PCLO: variants seen among roughly 807,000 people sequenced by gnomAD.
PCLO encodes protein piccolo.
PCLO carries 82 observed loss-of-function variants against 427.5 expected under a neutral mutation model. The ratio of observed to expected loss-of-function variants is 0.19; its 90% CI spans 0.16 to 0.23. PCLO has a LOEUF of 0.23. Among genes scored for constraint, PCLO ranks in the 10% least tolerant of loss-of-function variants. The probability of loss-of-function intolerance (pLI) is 1.00; values close to 1 mark genes in which losing one functional copy is unlikely to be tolerated. For synonymous variants in PCLO, 2,357 were observed against 2,155.4 expected (o/e 1.09, Z -2.59); for missense variants, 6,239 against 6,115.9 (o/e 1.02, Z -0.67).
intron 14 of PCLO, among the ~76,000 whole-genome samples, chr7:82,838,909 T>C (rs542624581): frequency 7.2e-5 from 11 of 152,114 alleles, no homozygotes; most frequent in African/African-American, 2.6e-4. Context: ...GCTTTCCTAA[T>C]AGAGTGAGAT....
At chr7:82,766,554 A>C (rs1429083362) in intron 22 of PCLO, among the ~76,000 whole-genome samples, 1 of 152,088 alleles carries the variant, frequency 6.6e-6, no homozygotes, top group African/African-American at 2.4e-5. Flanking sequence ...GGAGGGAGTC[A>C]AGGAAAATTC....
chr7:82,950,812 T>C lies in PCLO; in HGVS notation c.9776A>G (p.Glu3259Gly). The C allele has an allele frequency of 6.2e-7, 1 of 1,613,696 alleles. No individual in the cohort carries two copies. The highest frequency in any genetic ancestry group is 8.5e-7 in the Non-Finnish European group (1 of 1,179,836). Residue 3259 changes from glutamate to glycine, a missense_variant, in exon 6 of 25, where the codon GAG becomes GGG. This residue lies in a region of PCLO where 4,677 missense variants were observed against 4,468.4 expected (regional missense o/e 1.05). Transcript: ENST00000333891. ...AAGGTGTTGCTTCATAGACTGCAGC[T>C]CCTCCAACTTTTTCTGAACCATGAT... Reference protein sequence around the residue: ...EKIMVQKKLEELQSMKQHLLF... With the variant: ...EKIMVQKKLEGLQSMKQHLLF...
In PCLO at chr7:82,827,357, T is replaced by C. The variant is rs141018349; in HGVS notation, c.14343+516A>G. ...TACAGTTACTTATCTCTGGTGATAA[T>C]CCTTTATACTAGTCATCATTTTGCC... On this transcript the variant is annotated intron_variant, in intron 17 of 24. Transcript: ENST00000333891. 9.9e-3 allele frequency among the ~76,000 whole-genome samples: 1,499 copies of C among 152,132 alleles called. 17 individuals are homozygous for C. Among genetic ancestry groups the C allele is most frequent in the African/African-American group, 0.034 (1,401 of 41,530 alleles).
At chr7:82,820,498 C>T (rs1382783210) in intron 20 of PCLO, 1 of 1,209,432 alleles carries the variant, frequency 8.3e-7, no homozygotes. Context: ...AATAAAGATA[C>T]TTTATTTATT....
intron 2 of PCLO, among the ~76,000 whole-genome samples, chr7:83,154,524 T>G (rs1475660942): frequency 6.6e-6 from 1 of 152,184 alleles, no homozygotes; most frequent in Admixed American, 6.5e-5. Flanking sequence ...CAATTTATAT[T>G]TGTCTTATAT....
chr7:83,069,329 GA>G (rs934050403), intron 3 of PCLO, among the ~76,000 whole-genome samples: 1 of 151,968 alleles, frequency 6.6e-6, no homozygotes, highest in Non-Finnish European at 1.5e-5. Flanking sequence ...TCATTTGGTT[GA>G]AAAAAATCCA....
rs1237619342 is a variant in PCLO, at chr7:82,756,458, G to T, written c.*2117C>A. 2 of 151,946 alleles carry T rather than the reference G, an allele frequency of 1.3e-5. No individual in the cohort carries two copies. The highest frequency in any genetic ancestry group is 4.8e-5 in the African/African-American group (2 of 41,372). The allele number at this position is 151,946 out of a possible 1,614,324, so 9.4% of individuals were successfully genotyped here. On this transcript the variant is annotated 3_prime_UTR_variant, in exon 25 of 25. Transcript: ENST00000333891. ...TAAATGACATTGTATTGTCAGTGGA[G>T]GGGGATTAAAAAATAGAGGGAAGAA... is the stretch of plus-strand genomic sequence containing the variant.
intron 3 of PCLO, among the ~76,000 whole-genome samples, chr7:83,087,998 A>C (rs996382543): frequency 3.3e-5 from 5 of 152,204 alleles, no homozygotes; most frequent in Non-Finnish European, 5.9e-5. Context: ...GCTAAAATAT[A>C]ATCGATAAAA....
chr7:82,793,273 CT>C (rs2129468455), intron 22 of PCLO, among the ~76,000 whole-genome samples: 1 of 152,246 alleles, frequency 6.6e-6, no homozygotes, highest in African/African-American at 2.4e-5. Context: ...CTATCCCTGG[CT>C]TTGACCTTCC....
chr7:83,033,045 C>T lies in PCLO; in HGVS notation c.3301-66558G>A, dbSNP rs146989981. ...TTGTTTGATAAGTGTTTGGCATTTT[C>T]GCCTACTCACCCTCTCTCTCTCCTA... On this transcript the variant is annotated intron_variant, in intron 3 of 24. Coordinates refer to ENST00000333891, the MANE Select transcript of PCLO (RefSeq NM_033026.6). 8.5e-3 allele frequency among the ~76,000 whole-genome samples: 1,286 copies of T among 152,156 alleles called. 12 individuals carry two copies. Among genetic ancestry groups the T allele is most frequent in the Non-Finnish European group, 0.014 (928 of 67,992 alleles).
At chr7:82,775,082 T>G (rs538422918) in intron 22 of PCLO, among the ~76,000 whole-genome samples, 4 of 152,322 alleles carry the variant, frequency 2.6e-5, no homozygotes, top group Admixed American at 2.6e-4. Context: ...TTTTCAGTAT[T>G]GAACAATATT....
chr7:82,760,943 C>CTTTTTTTTTTTTT (rs767222339), intron 23 of PCLO, among the ~76,000 whole-genome samples, 159 bp from the exon 24 acceptor site: 4 of 60,370 alleles, frequency 6.6e-5, no homozygotes, highest in Admixed American at 2.5e-4. Context: ...AAAGATATGT[C>CTTTTTTTTTTTTT]TTTTTTTTTT....
intron 10 of PCLO, among the ~76,000 whole-genome samples, chr7:82,867,545 A>G (rs763466236): frequency 2.6e-5 from 4 of 152,168 alleles, no homozygotes; most frequent in Non-Finnish European, 5.9e-5. Flanking sequence ...AGAGGTTAGC[A>G]TCCTTGCTTC....
chr7:83,076,406 G>A (rs1789953074), intron 3 of PCLO, among the ~76,000 whole-genome samples: 2 of 151,810 alleles, frequency 1.3e-5, no homozygotes, highest in African/African-American at 2.4e-5. Context: ...GGGATTACAG[G>A]TGCCTGCCAC....
Position 82,954,391 on chromosome 7 carries a change from C to T in PCLO, c.6562G>A (p.Val2188Ile), listed in dbSNP as rs775601863. 6.2e-7 allele frequency: 1 copy of T among 1,613,860 alleles called. No homozygotes were observed. Reference sequence around the variant, plus strand: ...CTATCTGTGGTACAGACCGAAGAAACAGATGATGTGAGAGAAGGTGTGTCA... The same window carrying T: ...CTATCTGTGGTACAGACCGAAGAAATAGATGATGTGAGAGAAGGTGTGTCA... ...PSDTPSLTSS[V>I]SSVCTTDSSS... The change falls in exon 5 of 25, where the codon GTT becomes ATT. Residue 2188 changes from valine to isoleucine, a missense_variant. Val to Ile is a conservative substitution (Grantham distance 29, BLOSUM62 3). This residue lies in a region of PCLO where 4,677 missense variants were observed against 4,468.4 expected (regional missense o/e 1.05). Coordinates refer to ENST00000333891, the MANE Select transcript of PCLO (RefSeq NM_033026.6).
chr7:82,950,774 C>T lies in PCLO; in HGVS notation c.9814G>A (p.Glu3272Lys). 6.2e-7 allele frequency: 1 copy of T among 1,613,802 alleles called. No homozygotes were observed. Among genetic ancestry groups the T allele is most frequent in the Non-Finnish European group, 8.5e-7 (1 of 1,179,826 alleles). The change falls in exon 6 of 25, where the codon GAA becomes AAA. Residue 3272 changes from glutamate to lysine, a missense_variant. Around this residue, in one of 5 missense-constraint regions of PCLO, gnomAD observed 4,677 missense variants for 4,468.4 expected, o/e 1.05. Coordinates refer to ENST00000333891, the MANE Select transcript of PCLO (RefSeq NM_033026.6). ...SMKQHLLFQQ[E>K]EERQAQFMMR... ...ATGAACTGGGCTTGCCGCTCTTCTT[C>T]TTGCTGAAAGAGAAGGTGTTGCTTC...
intron 6 of PCLO, among the ~76,000 whole-genome samples, chr7:82,935,319 T>C (rs1432968840): frequency 1.3e-5 from 2 of 151,414 alleles, no homozygotes; most frequent in Non-Finnish European, 3.0e-5. Context: ...TTCTCAGTTT[T>C]TGACTTTGTA....
intron 3 of PCLO, among the ~76,000 whole-genome samples, chr7:83,028,908 T>C (rs1337802507): frequency 5.3e-5 from 8 of 151,966 alleles, no homozygotes; most frequent in African/African-American, 1.9e-4. Flanking sequence ...TAGCCATATG[T>C]AGAAAGCTGA....
chr7:82,805,261 T>C (rs369117245), intron 21 of PCLO, among the ~76,000 whole-genome samples: 2 of 152,166 alleles, frequency 1.3e-5, no homozygotes, highest in African/African-American at 4.8e-5. Flanking sequence ...ATTCACTATG[T>C]CCTCTATTTC....
Sources: gnomAD v4.1 joint callset for allele counts (sites outside exome capture counted in the v4.1 genomes callset) on GRCh38, gnomAD v4.1.1 for gene constraint, gnomAD v4.1.1 regional missense constraint, MANE v1.5 for transcripts, NCBI Gene and HGNC (gene_info 2026-07-23, HGNC 2026-07-21) for gene names.